The following EPHA6 variants were observed in gnomAD, a reference collection of about 807,000 sequenced individuals.
EPHA6 encodes ephrin type-A receptor 6.
EPHA6 carries 50 observed loss-of-function variants against 112.0 expected under a neutral mutation model. That is an observed-to-expected ratio of 0.45 (90% confidence interval 0.36 to 0.56). The LOEUF (loss-of-function observed/expected upper bound fraction) is 0.56, where lower values mean the gene tolerates loss of function less well. EPHA6 is among the 20% of genes least tolerant of loss of function. EPHA6 has a pLI of 0.00. For synonymous variants in EPHA6, 529 were observed against 490.7 expected (o/e 1.08, Z -1.03); for missense variants, 1,280 against 1,417.4 (o/e 0.90, Z 1.56).
intron 3 of EPHA6, among the ~76,000 whole-genome samples, chr3:97,036,688 C>T (rs2045109816): frequency 6.6e-6 from 1 of 152,034 alleles, no homozygotes; most frequent in East Asian, 1.9e-4. Flanking sequence ...TGGAGTTTTC[C>T]CTTGAACTAA....
At chr3:97,137,064 T>G (rs1017559389) in intron 3 of EPHA6, among the ~76,000 whole-genome samples, 1 of 152,120 alleles carries the variant, frequency 6.6e-6, no homozygotes, top group African/African-American at 2.4e-5. Context: ...TCCTTTAATA[T>G]TTAAAAAAAT....
intron 10 of EPHA6, among the ~76,000 whole-genome samples, chr3:97,493,410 T>G (rs1171028017): frequency 1.3e-5 from 2 of 152,172 alleles, no homozygotes; most frequent in Non-Finnish European, 2.9e-5. Flanking sequence ...AGAAGCTGTC[T>G]TCTGGATCGC....
At chr3:96,912,066 G>A (rs577631129) in intron 2 of EPHA6, among the ~76,000 whole-genome samples, 8 of 152,042 alleles carry the variant, frequency 5.3e-5, no homozygotes, top group Non-Finnish European at 7.4e-5. Flanking sequence ...TGAAATACAC[G>A]TAAAGAGAAA....
In EPHA6 at chr3:96,814,746, G is replaced by T; in HGVS notation, c.123G>T (p.Ser41=). The stretch of plus-strand genomic sequence containing the variant: ...CCTCGTGCCCTGTTCCCGGGACCTC[G>T]CGCAGGGGGCGCCCCGGGACACCCC... ...PGPSCPVPGT[S]RRGRPGTPPA... The change falls in exon 1 of 18, where the codon TCG becomes TCT. Residue 41 remains serine, a synonymous_variant. Transcript: ENST00000389672. 6.3e-7 allele frequency: 1 copy of T among 1,591,374 alleles called. No homozygotes were observed.
chr3:96,860,434 G>C (rs994579175), intron 1 of EPHA6, among the ~76,000 whole-genome samples: 2 of 151,852 alleles, frequency 1.3e-5, no homozygotes, highest in South Asian at 2.1e-4. Flanking sequence ...TTTGGATTGA[G>C]ATGGCCATTA....
At chr3:97,214,442 C>G (rs1274618555) in intron 3 of EPHA6, among the ~76,000 whole-genome samples, 3 of 147,412 alleles carry the variant, frequency 2.0e-5, no homozygotes, top group Non-Finnish European at 4.5e-5. Context: ...TGGAGTGCCA[C>G]TGCACTCCAG....
chr3:96,885,631 T>C (rs2037577811), intron 2 of EPHA6, among the ~76,000 whole-genome samples: 2 of 152,206 alleles, frequency 1.3e-5, no homozygotes, highest in African/African-American at 2.4e-5. Context: ...TCTTGGTTAA[T>C]CTTGCCAGTG....
chr3:96,898,873 C>T (rs960527338), intron 2 of EPHA6, among the ~76,000 whole-genome samples: 2 of 151,582 alleles, frequency 1.3e-5, no homozygotes, highest in East Asian at 3.9e-4. Context: ...ACTAAAAATA[C>T]AAAAATTAGC....
intron 7 of EPHA6, among the ~76,000 whole-genome samples, chr3:97,452,178 G>T (rs1302535729): frequency 2.0e-5 from 3 of 151,774 alleles, no homozygotes; most frequent in Non-Finnish European, 2.9e-5. Flanking sequence ...ACCAGTGCTT[G>T]GTTCTTTTTC....
intron 2 of EPHA6, among the ~76,000 whole-genome samples, chr3:96,942,577 G>A (rs1379081926): frequency 6.6e-6 from 1 of 152,238 alleles, no homozygotes; most frequent in East Asian, 1.9e-4. Context: ...GTGAGGCAAT[G>A]CCTTGCCCTG....
chr3:97,290,721 G>T (rs1224574025), intron 5 of EPHA6, among the ~76,000 whole-genome samples: 1 of 151,812 alleles, frequency 6.6e-6, no homozygotes, highest in Non-Finnish European at 1.5e-5. Context: ...GGTCTCAGTT[G>T]TTATGACTCC....
At chr3:97,282,748 A>G (rs539302079) in intron 5 of EPHA6, among the ~76,000 whole-genome samples, 1 of 152,324 alleles carries the variant, frequency 6.6e-6, no homozygotes, top group African/African-American at 2.4e-5. Context: ...TAGGAAACCA[A>G]ACACCACATG....
chr3:97,055,293 T>C (rs1472190556), intron 3 of EPHA6, among the ~76,000 whole-genome samples: 1 of 152,116 alleles, frequency 6.6e-6, no homozygotes, highest in Non-Finnish European at 1.5e-5. Flanking sequence ...CACAAGCTTA[T>C]ATATAGCCTA....
intron 3 of EPHA6, among the ~76,000 whole-genome samples, chr3:97,162,684 C>T (rs149172916): frequency 1.2e-4 from 19 of 152,148 alleles, no homozygotes; most frequent in African/African-American, 1.9e-4. Context: ...TTTTTGGCAG[C>T]GTTTTGAGGT....
Position 97,089,389 on chromosome 3 carries a change from C to T in EPHA6, c.1114+101396C>T, listed in dbSNP as rs558235909. On this transcript the variant is annotated intron_variant, in intron 3 of 17. Coordinates refer to ENST00000389672, the MANE Select transcript of EPHA6 (RefSeq NM_001080448.3). ...TTAGAAATTAAAATCATACTTGAGT[C>T]AAAAGTCTATAGGCTTATTTTTCTT... is the stretch of plus-strand genomic sequence containing the variant. Among the ~76,000 whole-genome samples the T allele has an allele frequency of 9.2e-5, 14 of 152,146 alleles. No individual in the cohort carries two copies. In the East Asian group the frequency reaches 2.7e-3, roughly 29 times the overall value.
At chr3:96,833,934 T>A (rs1235901857) in intron 1 of EPHA6, among the ~76,000 whole-genome samples, 2 of 151,862 alleles carry the variant, frequency 1.3e-5, no homozygotes, top group Non-Finnish European at 2.9e-5. Context: ...AAATTAAAAA[T>A]TAAAAAAATT....
intron 5 of EPHA6, among the ~76,000 whole-genome samples, chr3:97,282,667 C>T (rs1206062950): frequency 2.0e-5 from 3 of 152,098 alleles, no homozygotes; most frequent in East Asian, 1.9e-4. Flanking sequence ...TAAAAAGGAA[C>T]GAGATTATGT....
intron 11 of EPHA6, among the ~76,000 whole-genome samples, chr3:97,587,363 T>C (rs960189108): frequency 6.6e-6 from 1 of 152,214 alleles, no homozygotes; most frequent in Non-Finnish European, 1.5e-5. Context: ...GTATAAATAC[T>C]CATTTGTAAA....
chr3:96,891,089 A>G (rs1473602227), intron 2 of EPHA6, among the ~76,000 whole-genome samples: 1 of 152,204 alleles, frequency 6.6e-6, no homozygotes, highest in African/African-American at 2.4e-5. Flanking sequence ...ACTCCATCTC[A>G]AACAAGCAAA....
Sources: gnomAD v4.1 joint callset for allele counts (sites outside exome capture counted in the v4.1 genomes callset) on GRCh38, gnomAD v4.1.1 for gene constraint, MANE v1.5 for transcripts, NCBI Gene and HGNC (gene_info 2026-07-23, HGNC 2026-07-21) for gene names.